Variants in INPP4B observed in about 807,000 individuals in gnomAD.
The protein encoded by INPP4B is inositol polyphosphate-4-phosphatase type II B.
INPP4B carries 55 observed loss-of-function variants against 122.5 expected under a neutral mutation model. The observed-to-expected ratio is 0.45, with a 90% CI of 0.36 to 0.56. The LOEUF (loss-of-function observed/expected upper bound fraction) is 0.56, where lower values mean the gene tolerates loss of function less well. INPP4B is among the 20% of genes least tolerant of loss of function. The pLI is 0.00. For synonymous variants in INPP4B, 403 were observed against 388.7 expected, an observed-to-expected ratio of 1.04 and a Z score of -0.43; for missense variants, 1,000 against 1,097.7, an observed-to-expected ratio of 0.91 and a Z score of 1.26.
rs148787006 is a variant in INPP4B at position 142,455,903 on chromosome 4, G to A, written c.-127+6760C>T. Among the ~76,000 whole-genome samples the A allele has an allele frequency of 4.5e-3, 681 of 152,216 alleles. 5 individuals are homozygous for A. Among genetic ancestry groups the A allele is most frequent in the African/African-American group, 0.016 (654 of 41,554 alleles). ...TTGATTTGCATTTGTCTTATGATAA[G>A]TGATGTTGAGTACCTTTTCATATAC... is the stretch of plus-strand genomic sequence containing the variant. On this transcript the variant is annotated intron_variant, in intron 3 of 25. Coordinates refer to ENST00000262992, the MANE Select transcript of INPP4B (RefSeq NM_001101669.3).
chr4:142,698,938 C>T (rs888075750), intron 2 of INPP4B, among the ~76,000 whole-genome samples: 1 of 152,144 alleles, frequency 6.6e-6, no homozygotes, highest in Non-Finnish European at 1.5e-5. Context: ...ACCCTTTTCC[C>T]TGGGCCCCTA....
intron 3 of INPP4B, among the ~76,000 whole-genome samples, chr4:142,452,430 A>T (rs1471339651): frequency 1.3e-5 from 2 of 152,212 alleles, no homozygotes; most frequent in Non-Finnish European, 2.9e-5. Context: ...CTGAAGAATT[A>T]CAAAGTGAAG....
At chr4:142,202,020 A>G (rs111823050) in intron 14 of INPP4B, among the ~76,000 whole-genome samples, 4,587 of 152,140 alleles carry the variant, frequency 0.03, 213 homozygotes, top group African/African-American at 0.1. Context: ...AACAAAATAC[A>G]GTTTTTTTTC....
intron 2 of INPP4B, among the ~76,000 whole-genome samples, chr4:142,577,831 A>G (rs1734183667): frequency 6.6e-6 from 1 of 152,000 alleles, no homozygotes; most frequent in Non-Finnish European, 1.5e-5. Context: ...CTCAGCTGCT[A>G]GAGGTCATCT....
At position 142,512,288 on chromosome 4, in the gene INPP4B, G is replaced by GA. The variant is rs373221223; in HGVS notation, c.-190-49563dup. On this transcript the variant is annotated intron_variant, in intron 2 of 25. Transcript: ENST00000262992. ...AGACCCTGAGGATACAGTTGTAACT[G>GA]AAAAAATCACAGTTCCTACCCTCAT... 2.7e-3 allele frequency among the ~76,000 whole-genome samples: 418 copies of GA among 152,172 alleles called. 3 individuals carry two copies. Among genetic ancestry groups the GA allele is most frequent in the African/African-American group, 9.9e-3 (412 of 41,546 alleles).
At position 142,790,132 on chromosome 4, in the gene INPP4B, A is replaced by G. The variant is rs564150502; in HGVS notation, c.-254+56077T>C. On this transcript the variant is annotated intron_variant, in intron 1 of 25. Coordinates refer to ENST00000262992, the MANE Select transcript of INPP4B (RefSeq NM_001101669.3). Reference sequence around the variant, plus strand: ...AGACCTGAAACTATAAAAATTCTAGAAGATAACATTGGAAAAACCCTTCTA... The same window carrying G: ...AGACCTGAAACTATAAAAATTCTAGGAGATAACATTGGAAAAACCCTTCTA... 2.0e-4 allele frequency among the ~76,000 whole-genome samples: 30 copies of G among 152,302 alleles called. No individual in the cohort carries two copies. In the East Asian group the frequency reaches 5.8e-3, roughly 29 times the overall value.
chr4:142,318,129 A>T (rs1292809378), intron 7 of INPP4B, among the ~76,000 whole-genome samples: 1 of 152,196 alleles, frequency 6.6e-6, no homozygotes, highest in African/African-American at 2.4e-5. Flanking sequence ...TGGGGACAAT[A>T]GACCCTACAG....
intron 2 of INPP4B, among the ~76,000 whole-genome samples, chr4:142,626,475 C>G (rs1414968331): frequency 6.6e-6 from 1 of 151,942 alleles, no homozygotes; most frequent in African/African-American, 2.4e-5. Flanking sequence ...CCCCAGCCAA[C>G]AGCCCACAAA....
chr4:142,102,332 A>C (rs979770230), intron 23 of INPP4B, among the ~76,000 whole-genome samples: 1 of 152,030 alleles, frequency 6.6e-6, no homozygotes, highest in South Asian at 2.1e-4. Flanking sequence ...CTTGACATGC[A>C]CTCACAGCTT....
At chr4:142,081,751 A>G (rs929268449) in intron 25 of INPP4B, among the ~76,000 whole-genome samples, 2 of 152,094 alleles carry the variant, frequency 1.3e-5, no homozygotes, top group African/African-American at 4.8e-5. Context: ...AATATCATAT[A>G]TAATAATGCA....
rs545662232 is a variant in INPP4B at position 142,750,558 on chromosome 4, T to C, written c.-253-24657A>G. Among the ~76,000 whole-genome samples, 82 of 152,180 alleles carry C rather than the reference T, an allele frequency of 5.4e-4. 2 individuals carry two copies. In the South Asian group the frequency reaches 0.016, roughly 29 times the overall value. Reference sequence around the variant, plus strand: ...TAGTTTGTCATGATATGTATGTAGATATATAGAAGAGGTTTCCACTAAGAA... The same window carrying C: ...TAGTTTGTCATGATATGTATGTAGACATATAGAAGAGGTTTCCACTAAGAA... On this transcript the variant is annotated intron_variant, in intron 1 of 25. Coordinates refer to ENST00000262992, the MANE Select transcript of INPP4B (RefSeq NM_001101669.3).
intron 7 of INPP4B, among the ~76,000 whole-genome samples, chr4:142,349,115 T>C (rs1781203835): frequency 6.6e-6 from 1 of 152,072 alleles, no homozygotes; most frequent in African/African-American, 2.4e-5. Context: ...ATCATGGCAA[T>C]GGTCATTTAT....
rs535732489 is a variant in INPP4B at position 142,145,743 on chromosome 4, G to T, written c.1720+97C>A. 538 of 1,196,358 alleles carry T rather than the reference G, an allele frequency of 4.5e-4. 1 individual carries two copies. Among genetic ancestry groups the T allele is most frequent in the South Asian group, 2.4e-3 (172 of 70,452 alleles). The allele number at this position is 1,196,358 out of a possible 1,614,324, so 74.1% of individuals were successfully genotyped here. A position where few individuals can be genotyped will look rare whatever the true frequency, so the allele number is the denominator to read the frequency against. Reference sequence around the variant, plus strand: ...GCATGCTATCAGCACTCTCATCAAAGATACTATTGACTCCTCTTCTTCTAT... The same window carrying T: ...GCATGCTATCAGCACTCTCATCAAATATACTATTGACTCCTCTTCTTCTAT... On this transcript the variant is annotated intron_variant, in intron 18 of 25. Coordinates refer to ENST00000262992, the MANE Select transcript of INPP4B (RefSeq NM_001101669.3).
At chr4:142,729,099 G>A (rs890032151) in intron 1 of INPP4B, among the ~76,000 whole-genome samples, 6 of 152,114 alleles carry the variant, frequency 3.9e-5, no homozygotes, top group East Asian at 3.9e-4. Context: ...TAAGGAGCAC[G>A]TAACCTAGAT....
intron 2 of INPP4B, among the ~76,000 whole-genome samples, chr4:142,658,747 A>T (rs1370573747): frequency 6.6e-6 from 1 of 152,064 alleles, no homozygotes; most frequent in Non-Finnish European, 1.5e-5. Flanking sequence ...CAGAGCCAAT[A>T]AAAGCCCAGT....
At chr4:142,036,839 A>G (rs2152307380) in intron 25 of INPP4B, among the ~76,000 whole-genome samples, 1 of 152,318 alleles carries the variant, frequency 6.6e-6, no homozygotes, top group Non-Finnish European at 1.5e-5. Flanking sequence ...CTTGAGCCCC[A>G]TGACTGTATC....
intron 1 of INPP4B, among the ~76,000 whole-genome samples, chr4:142,748,893 A>C (rs1769199702): frequency 6.6e-6 from 1 of 151,986 alleles, no homozygotes; most frequent in Admixed American, 6.6e-5. Context: ...TAATCCCAGC[A>C]CCTTAGGAAG....
At chr4:142,797,505 A>G (rs1469270059) in intron 1 of INPP4B, among the ~76,000 whole-genome samples, 2 of 152,022 alleles carry the variant, frequency 1.3e-5, no homozygotes, top group African/African-American at 4.8e-5. Flanking sequence ...TAAAATATCT[A>G]TATCTAGGTG....
At chr4:142,255,379 T>C (rs955103314) in intron 11 of INPP4B, among the ~76,000 whole-genome samples, 3 of 152,166 alleles carry the variant, frequency 2.0e-5, no homozygotes, top group East Asian at 3.9e-4. Context: ...GAAAATGGAC[T>C]AAATGCTCCA....
Sources: gnomAD v4.1 joint callset for allele counts (sites outside exome capture counted in the v4.1 genomes callset) on GRCh38, gnomAD v4.1.1 for gene constraint, MANE v1.5 for transcripts, NCBI Gene and HGNC (gene_info 2026-07-23, HGNC 2026-07-21) for gene names.